NIM1K: variants seen among roughly 807,000 people sequenced by gnomAD.
NIM1K encodes NIM1 serine/threonine protein kinase, also known as serine/threonine-protein kinase NIM1.
NIM1K carries 35 observed loss-of-function variants against 37.1 expected under a neutral mutation model. The ratio of observed to expected loss-of-function variants is 0.94; its 90% CI spans 0.72 to 1.25. NIM1K has a LOEUF of 1.25. Among genes scored for constraint, NIM1K ranks in the 50% most tolerant of loss-of-function variants. The probability of loss-of-function intolerance (pLI) is 0.00; values close to 1 mark genes in which losing one functional copy is unlikely to be tolerated. For missense variants in NIM1K, 564 were observed against 548.0 expected (o/e 1.03, Z -0.29); for synonymous variants, 234 against 206.6 (o/e 1.13, Z -1.14).
At chr5:43,207,094 A>G (rs1161968882) in intron 1 of NIM1K, 3 of 720,400 alleles carry the variant, frequency 4.2e-6, no homozygotes, top group Non-Finnish European at 7.8e-6. Flanking sequence ...TGAATATGAC[A>G]TAGATTGAGG....
chr5:43,196,194 T>G (rs2112190544), intron 1 of NIM1K, among the ~76,000 whole-genome samples: 1 of 152,300 alleles, frequency 6.6e-6, no homozygotes, highest in South Asian at 2.1e-4. Flanking sequence ...TGTGTCTCTA[T>G]TTGTTGGAAT....
intron 2 of NIM1K, among the ~76,000 whole-genome samples, chr5:43,259,916 G>A (rs1169562822): frequency 6.6e-6 from 1 of 152,052 alleles, no homozygotes; most frequent in Non-Finnish European, 1.5e-5. Flanking sequence ...TGTGGTTTCA[G>A]GTCTTAGATT....
At chr5:43,198,183 CTTTCTTTCTT>C (rs757598126) in intron 1 of NIM1K, among the ~76,000 whole-genome samples, 33 of 71,382 alleles carry the variant, frequency 4.6e-4, no homozygotes, top group African/African-American at 1.7e-3. Flanking sequence ...TTCTTTCTTT[CTTTCTTTCTT>C]TCTTTCTTTC....
Position 43,232,637 on chromosome 5 carries a change from T to A in NIM1K, c.-694-12445T>A, listed in dbSNP as rs143778842. ...GAGTTGTAGGGCTCAACTACAGCTG[T>A]GGAAACCTGGGGTGGTGAGTAAATG... On this transcript the variant is annotated intron_variant, in intron 1 of 3. Transcript: ENST00000326035. The A allele has an allele frequency of 1.3e-3, 1,944 of 1,554,724 alleles. 37 individuals are homozygous for A. In the East Asian group the frequency reaches 0.039, roughly 31 times the overall value.
chr5:43,220,270 T>C (rs1305501049), intron 1 of NIM1K, among the ~76,000 whole-genome samples: 1 of 151,746 alleles, frequency 6.6e-6, no homozygotes, highest in Non-Finnish European at 1.5e-5. Context: ...GGTCTAACTT[T>C]ATTCTTCTGC....
At chr5:43,201,277 C>T (rs967393102) in intron 1 of NIM1K, among the ~76,000 whole-genome samples, 1 of 152,030 alleles carries the variant, frequency 6.6e-6, no homozygotes, top group South Asian at 2.1e-4. Context: ...GGCATGGTGG[C>T]GGGCGCCTGC....
intron 1 of NIM1K, among the ~76,000 whole-genome samples, chr5:43,214,967 G>A (rs1159294412): frequency 6.6e-6 from 1 of 152,150 alleles, no homozygotes. Context: ...GATGTGAACT[G>A]AGAATCAGAA....
At chr5:43,269,321 A>AAT (rs1263929825) in intron 2 of NIM1K, among the ~76,000 whole-genome samples, 1 of 137,420 alleles carries the variant, frequency 7.3e-6, no homozygotes, top group Non-Finnish European at 1.5e-5. Flanking sequence ...AAAAAAAAAG[A>AAT]AAAAAAAAAA....
intron 2 of NIM1K, among the ~76,000 whole-genome samples, chr5:43,257,629 G>A (rs111988952): frequency 0.077 from 11,651 of 152,122 alleles, 610 homozygotes; most frequent in Non-Finnish European, 0.12. Context: ...GGTATTACAG[G>A]CGTGAGCCAC....
At chr5:43,230,997 A>G (rs1241119967) in intron 1 of NIM1K, among the ~76,000 whole-genome samples, 2 of 152,244 alleles carry the variant, frequency 1.3e-5, no homozygotes, top group South Asian at 2.1e-4. Flanking sequence ...CTGTATTTGC[A>G]TGGCACTTTA....
At chr5:43,239,560 C>T (rs1331788770) in intron 1 of NIM1K, among the ~76,000 whole-genome samples, 1 of 151,776 alleles carries the variant, frequency 6.6e-6, no homozygotes, top group African/African-American at 2.4e-5. Context: ...GAATTTCACT[C>T]TTGTTTCCCA....
Position 43,245,941 on chromosome 5 carries a change from T to G in NIM1K, c.166T>G (p.Ser56Ala), listed in dbSNP as rs1561085712. 6.2e-7 allele frequency: 1 copy of G among 1,613,890 alleles called. No homozygotes were observed. The highest frequency in any genetic ancestry group is 8.5e-7 in the Non-Finnish European group (1 of 1,179,998). ...CTTCGAGAAACTGACACAGGACATG[T>G]CCCAGGATGAGAAGGTGGTGAGGGA... ...TPFEKLTQDM[S>A]QDEKVVREIT... Residue 56 changes from serine (S) to alanine (A), a missense_variant, in exon 2 of 4, where the codon TCC becomes GCC. Coordinates refer to ENST00000326035, the MANE Select transcript of NIM1K (RefSeq NM_153361.4).
At chr5:43,205,082 A>G (rs1256384384) in intron 1 of NIM1K, among the ~76,000 whole-genome samples, 1 of 152,198 alleles carries the variant, frequency 6.6e-6, no homozygotes, top group African/African-American at 2.4e-5. Flanking sequence ...TGCTCTTGCT[A>G]CTGTCACTGA....
At chr5:43,205,008 A>G (rs1489926389) in intron 1 of NIM1K, among the ~76,000 whole-genome samples, 1 of 149,988 alleles carries the variant, frequency 6.7e-6, no homozygotes, top group Non-Finnish European at 1.5e-5. Context: ...AAAAACACGA[A>G]CAACAACAAC....
At chr5:43,217,582 G>T (rs536383104) in intron 1 of NIM1K, among the ~76,000 whole-genome samples, 1 of 152,104 alleles carries the variant, frequency 6.6e-6, no homozygotes, top group East Asian at 1.9e-4. Flanking sequence ...ATTCTAGCAG[G>T]TATGAAGTGG....
intron 2 of NIM1K, among the ~76,000 whole-genome samples, chr5:43,258,449 T>G (rs1315782616): frequency 6.6e-6 from 1 of 152,076 alleles, no homozygotes; most frequent in Non-Finnish European, 1.5e-5. Context: ...GTAAACTTTT[T>G]TTTTTTTTTT....
chr5:43,251,357 G>A (rs899078147), intron 2 of NIM1K, among the ~76,000 whole-genome samples: 7 of 152,156 alleles, frequency 4.6e-5, no homozygotes, highest in Admixed American at 6.5e-5. Context: ...ATGTTTTTAC[G>A]CTGTGATTCA....
chr5:43,260,690 C>T (rs1264130384), intron 2 of NIM1K, among the ~76,000 whole-genome samples: 1 of 151,890 alleles, frequency 6.6e-6, no homozygotes, highest in Non-Finnish European at 1.5e-5. Context: ...ATACATGTGC[C>T]ATATTGGTGT....
At chr5:43,243,065 G>C (rs919250401) in intron 1 of NIM1K, 1 of 152,272 alleles carries the variant, frequency 6.6e-6, no homozygotes, top group African/African-American at 2.4e-5. Flanking sequence ...GCCTCCCAAA[G>C]TGTTGGGATT....
Sources: gnomAD v4.1 joint callset for allele counts (sites outside exome capture counted in the v4.1 genomes callset) on GRCh38, gnomAD v4.1.1 for gene constraint, MANE v1.5 for transcripts, NCBI Gene and HGNC (gene_info 2026-07-23, HGNC 2026-07-21) for gene names.